The following MAP4K1 variants were observed in gnomAD, a reference collection of about 807,000 sequenced individuals.
MAP4K1 encodes the protein MAPK/ERK kinase kinase kinase 1.
MAP4K1 carries 35 observed loss-of-function variants against 122.8 expected under a neutral mutation model. That is an observed-to-expected ratio of 0.29 (90% CI 0.22 to 0.38). The LOEUF is 0.38. Ranked by LOEUF, MAP4K1 falls within the 10% of genes least tolerant of loss-of-function variation. The pLI, the probability that MAP4K1 is intolerant of heterozygous loss-of-function variation, is 1.00. For synonymous variants in MAP4K1, 412 were observed against 421.3 expected, an observed-to-expected ratio of 0.98 and a Z score of 0.27; for missense variants, 791 against 1,072.6, an observed-to-expected ratio of 0.74 and a Z score of 3.67.
chr19:38,611,138 G>A lies in MAP4K1; in HGVS notation c.729-6C>T, dbSNP rs1489307989. On this transcript the variant is annotated splice_region_variant and splice_polypyrimidine_tract_variant and intron_variant, in intron 10 of 30. Transcript: ENST00000396857. ...AGTTGTGGAAGGCAGCCGACCTTGG[G>A]AAGAAGAAGCCAGGTTCTGGATGAG... 6.2e-7 allele frequency: 1 copy of A among 1,613,256 alleles called. No individual in the cohort carries two copies. Among genetic ancestry groups the A allele is most frequent in the East Asian group, 2.2e-5 (1 of 44,882 alleles).
At chr19:38,603,124 A>G (rs1975183776) in intron 19 of MAP4K1, among the ~76,000 whole-genome samples, 1 of 121,632 alleles carries the variant, frequency 8.2e-6, no homozygotes, top group Non-Finnish European at 1.7e-5. Flanking sequence ...ACATGTACAT[A>G]TATACGCATA....
intron 19 of MAP4K1, among the ~76,000 whole-genome samples, chr19:38,604,153 A>G (rs1398763720): frequency 1.3e-5 from 2 of 149,344 alleles, no homozygotes; most frequent in African/African-American, 5.0e-5. Context: ...AAAAAAAAAA[A>G]GACTTTAGAG....
chr19:38,616,137 C>A (rs1348067078), intron 4 of MAP4K1, 58 bp downstream of exon 4: 4 of 1,124,786 alleles, frequency 3.6e-6, no homozygotes, highest in African/African-American at 4.0e-5. Flanking sequence ...GAATTTGGGT[C>A]GGGGTTGGGG....
intron 19 of MAP4K1, 97 bp from the exon 20 acceptor site, chr19:38,601,622 G>A (rs992753578): frequency 2.4e-6 from 2 of 835,878 alleles, no homozygotes; most frequent in East Asian, 5.6e-5. Context: ...GAGTGCCAAG[G>A]TTCAAATCCT....
chr19:38,599,826 T>TCA, intron 22 of MAP4K1, 99 bp downstream of exon 22: 1 of 1,118,182 alleles, frequency 8.9e-7, no homozygotes, highest in South Asian at 1.3e-5. Flanking sequence ...GACCAAGCAG[T>TCA]CTAAGTTTTT....
At position 38,611,304 on chromosome 19, in the gene MAP4K1, C is replaced by T. The variant is rs770353563; in HGVS notation, c.667G>A (p.Val223Ile). Reference protein sequence around the residue: ...PPLFDVHPLRVLFLMTKSGYQ... With the variant: ...PPLFDVHPLRILFLMTKSGYQ... ...CCACTCTTGGTCATGAGGAAGAGAA[C>T]TCTAGAATAGTAGGGAAAGGACATG... The change falls in exon 10 of 31, where the codon GTT (valine) becomes ATT (isoleucine). Residue 223 changes from valine to isoleucine, a missense_variant and splice_region_variant. Val to Ile is a conservative substitution (Grantham distance 29, BLOSUM62 3). Around this residue, in one of 4 missense-constraint regions of MAP4K1, gnomAD observed 163 missense variants for 286.1 expected, o/e 0.57. Coordinates refer to ENST00000396857, the MANE Select transcript of MAP4K1 (RefSeq NM_001042600.3). 20 of 1,611,876 alleles carry T rather than the reference C, an allele frequency of 1.2e-5. No homozygotes were observed. The highest frequency in any genetic ancestry group is 1.4e-5 in the Non-Finnish European group (17 of 1,178,034).
At chr19:38,610,292 A>G (rs1414237247) in intron 11 of MAP4K1, among the ~76,000 whole-genome samples, 2 of 145,204 alleles carry the variant, frequency 1.4e-5, no homozygotes, top group East Asian at 4.0e-4. Flanking sequence ...TGCAACCTCC[A>G]CCTCCTGGGC....
rs2144734264 is a variant in MAP4K1 at position 38,609,653 on chromosome 19, G to A, written c.949C>T (p.Arg317Trp). Residue 317 changes from arginine (R) to tryptophan (W), a missense_variant, in exon 13 of 31, where the codon CGG (arginine) becomes TGG (tryptophan). This residue lies in a region of MAP4K1 where 303 missense variants were observed against 344.8 expected (regional missense o/e 0.88). Coordinates refer to ENST00000396857, the MANE Select transcript of MAP4K1 (RefSeq NM_001042600.3). Reference protein sequence around the residue: ...EPELPPAIPRRIRSTHRSSSL... With the variant: ...EPELPPAIPRWIRSTHRSSSL... Reference sequence around the variant, plus strand: ...CTGGAGCGGTGGGTGGATCTGATCCGCCGAGGGATAGCAGGGGGTAGCTGG... The same window carrying A: ...CTGGAGCGGTGGGTGGATCTGATCCACCGAGGGATAGCAGGGGGTAGCTGG... The A allele has an allele frequency of 1.2e-6, 2 of 1,613,138 alleles. No individual in the cohort carries two copies. Among genetic ancestry groups the A allele is most frequent in the South Asian group, 1.1e-5 (1 of 90,954 alleles).
chr19:38,590,431 AT>A lies in MAP4K1; in HGVS notation c.2397-2615del, dbSNP rs1568619071. Among the ~76,000 whole-genome samples the A allele has an allele frequency of 4.6e-4, 57 of 124,778 alleles. 1 individual carries two copies. The highest frequency in any genetic ancestry group is 6.9e-4 in the Non-Finnish European group (42 of 61,270). The allele number at this position is 124,778 out of a possible 152,430, so 81.9% of individuals were successfully genotyped here. A position where few individuals can be genotyped will look rare whatever the true frequency, so the allele number is the denominator to read the frequency against. On this transcript the variant is annotated intron_variant, in intron 30 of 30. Coordinates refer to ENST00000396857, the MANE Select transcript of MAP4K1 (RefSeq NM_001042600.3). ...TATATATATATATATATATATATAT[AT>A]ATATAATCACGGGCGTCACTAGGAC...
In MAP4K1 at chr19:38,609,980, C is replaced by G; in HGVS notation, c.856G>C (p.Asp286His). Residue 286 changes from aspartate to histidine, a missense_variant, in exon 12 of 31, where the codon GAT (aspartate) becomes CAT (histidine). Physicochemically the swap from Asp to His is moderately conservative, Grantham distance 81 (BLOSUM62 -1). This residue lies in a region of MAP4K1 where 303 missense variants were observed against 344.8 expected (regional missense o/e 0.88). Coordinates refer to ENST00000396857, the MANE Select transcript of MAP4K1 (RefSeq NM_001042600.3). ...QPGLNRGLILDLLDKLKNPGK... is the reference protein window; with the variant it reads ...QPGLNRGLILHLLDKLKNPGK... ...GGATTCTTCAGTTTGTCAAGAAGATCCAGGATCAGGCCTCGATTCAGCCCA... is the reference window on the plus strand; with the variant it reads ...GGATTCTTCAGTTTGTCAAGAAGATGCAGGATCAGGCCTCGATTCAGCCCA... 6.2e-7 allele frequency: 1 copy of G among 1,614,130 alleles called. No individual in the cohort carries two copies. Among genetic ancestry groups the G allele is most frequent in the South Asian group, 1.1e-5 (1 of 91,070 alleles).
chr19:38,592,565 ACT>A (rs915113654), intron 30 of MAP4K1: 2 of 150,626 alleles, frequency 1.3e-5, no homozygotes, highest in South Asian at 2.1e-4. Context: ...ACACAGCGAG[ACT>A]CTGTGTCAAA....
rs1568619031 is a variant in MAP4K1, at chr19:38,590,425, ATATATATATAT to A, written c.2397-2619_2397-2609del. Among the ~76,000 whole-genome samples, 155 of 118,614 alleles carry A rather than the reference ATATATATATAT, an allele frequency of 1.3e-3. 2 individuals carry two copies. Among genetic ancestry groups the A allele is most frequent in the African/African-American group, 5.0e-3 (151 of 30,016 alleles). 77.8% of individuals were successfully genotyped at this position (118,614 alleles called of 152,430 possible). A position where few individuals can be genotyped will look rare whatever the true frequency, so the allele number is the denominator to read the frequency against. On this transcript the variant is annotated intron_variant, in intron 30 of 30. Coordinates refer to ENST00000396857, the MANE Select transcript of MAP4K1 (RefSeq NM_001042600.3). Reference sequence around the variant, plus strand: ...TATATATATATATATATATATATATATATATATATATAATCACGGGCGTCACTAGGACAACG... The same window carrying A: ...TATATATATATATATATATATATATAAATCACGGGCGTCACTAGGACAACG...
chr19:38,616,083 G>T, intron 4 of MAP4K1, 112 bp downstream of exon 4: 1 of 730,490 alleles, frequency 1.4e-6, no homozygotes, highest in Non-Finnish European at 2.2e-6. Context: ...ATATGGCCCA[G>T]AAAGACAGTT....
intron 20 of MAP4K1, among the ~76,000 whole-genome samples, chr19:38,601,058 C>T (rs920718087): frequency 9.3e-5 from 14 of 151,328 alleles, no homozygotes; most frequent in Non-Finnish European, 1.5e-4. Context: ...CGCCCGCCTC[C>T]GCCTCCCAAA....
chr19:38,602,866 A>G (rs1035472462), intron 19 of MAP4K1, among the ~76,000 whole-genome samples: 2 of 149,052 alleles, frequency 1.3e-5, no homozygotes, highest in Non-Finnish European at 3.0e-5. Flanking sequence ...ACATATATAC[A>G]CATGTACATA....
chr19:38,604,128 C>CAAAAAAAAAAAAAAAAAAAAAAAAAAA (rs200072842), intron 19 of MAP4K1, among the ~76,000 whole-genome samples: 1 of 53,522 alleles, frequency 1.9e-5, no homozygotes, highest in African/African-American at 6.1e-5. Flanking sequence ...GATACTATCT[C>CAAAAAAAAAAAAAAAAAAAAAAAAAAA]AAAAAAAAAA....
intron 30 of MAP4K1, chr19:38,589,334 TA>T: frequency 4.0e-6 from 1 of 248,782 alleles, no homozygotes; most frequent in South Asian, 3.5e-5. Flanking sequence ...CAAAAAACAA[TA>T]AAACTAGTGG....
At position 38,609,751 on chromosome 19, in the gene MAP4K1, C is replaced by T. The variant is rs896489317; in HGVS notation, c.928-77G>A. The stretch of plus-strand genomic sequence containing the variant: ...ACCCTGCCCGGGGTCCATCTGCTCT[C>T]TCCTGTAACCCTCTGGGCACACAGC... On this transcript the variant is annotated intron_variant, in intron 12 of 30. Coordinates refer to ENST00000396857, the MANE Select transcript of MAP4K1 (RefSeq NM_001042600.3). 7 of 1,396,884 alleles carry T rather than the reference C, an allele frequency of 5.0e-6. No homozygotes were observed. In the African/African-American group the frequency reaches 9.9e-5, roughly 20 times the overall value. 86.5% of individuals were successfully genotyped at this position (1,396,884 alleles called of 1,614,324 possible).
rs777464356 is a variant in MAP4K1, at chr19:38,599,954, G to C, written c.1640C>G (p.Ser547Cys). ...LFPSRTTWVY[S>C]INNVLMSLSG... ...GAGAGACATGAGAACGTTGTTGATGGAGTACACCCACGTAGTCCGGCTAGG... is the reference window on the plus strand; with the variant it reads ...GAGAGACATGAGAACGTTGTTGATGCAGTACACCCACGTAGTCCGGCTAGG... The change falls in exon 22 of 31, where the codon TCC (serine) becomes TGC (cysteine). Residue 547 changes from serine to cysteine, a missense_variant. Ser to Cys is a moderately radical substitution (Grantham distance 112). Around this residue, in one of 4 missense-constraint regions of MAP4K1, gnomAD observed 58 missense variants for 118.7 expected, o/e 0.49. Coordinates refer to ENST00000396857, the MANE Select transcript of MAP4K1 (RefSeq NM_001042600.3). 1 of 1,614,144 alleles carries C rather than the reference G, an allele frequency of 6.2e-7. No homozygotes were observed. Among genetic ancestry groups the C allele is most frequent in the South Asian group, 1.1e-5 (1 of 91,086 alleles).
Sources: gnomAD v4.1 joint callset for allele counts (sites outside exome capture counted in the v4.1 genomes callset) on GRCh38, gnomAD v4.1.1 for gene constraint, gnomAD v4.1.1 regional missense constraint, MANE v1.5 for transcripts, NCBI Gene and HGNC (gene_info 2026-07-23, HGNC 2026-07-21) for gene names.